Variants in GPR39 observed in about 807,000 individuals in gnomAD.
GPR39 encodes the protein G protein-coupled receptor 39, also known as zinc sensing receptor.
GPR39 carries 23 observed loss-of-function variants against 18.4 expected under a neutral mutation model. The ratio of observed to expected loss-of-function variants is 1.25; its 90% CI spans 0.90 to 1.77. The LOEUF (loss-of-function observed/expected upper bound fraction) is 1.77, where lower values mean the gene tolerates loss of function less well. GPR39 is among the 40% of genes most tolerant of loss of function. The pLI is 0.00. For missense variants in GPR39, 647 were observed against 602.4 expected (o/e 1.07, Z -0.78); for synonymous variants, 280 against 257.9 (o/e 1.09, Z -0.82).
At chr2:132,430,607 G>T (rs768947893) in intron 1 of GPR39, among the ~76,000 whole-genome samples, 2 of 152,120 alleles carry the variant, frequency 1.3e-5, no homozygotes, top group Non-Finnish European at 2.9e-5. Context: ...TCAGCTTCAG[G>T]CATCATCCCA....
intron 1 of GPR39, among the ~76,000 whole-genome samples, chr2:132,637,040 A>T (rs149622467): frequency 6.6e-6 from 1 of 152,358 alleles, no homozygotes; most frequent in East Asian, 1.9e-4. Context: ...GATTGAGAAT[A>T]GATTGCATAG....
intron 1 of GPR39, among the ~76,000 whole-genome samples, chr2:132,503,188 T>C (rs537455168): frequency 6.6e-6 from 1 of 152,316 alleles, no homozygotes; most frequent in South Asian, 2.1e-4. Context: ...TTCCTTCTTT[T>C]TTGGGTAGCC....
At chr2:132,472,991 C>T (rs190075292) in intron 1 of GPR39, among the ~76,000 whole-genome samples, 46 of 152,156 alleles carry the variant, frequency 3.0e-4, no homozygotes, top group Non-Finnish European at 4.9e-4. Flanking sequence ...CCCCCCTGCA[C>T]CACCAGATTT....
intron 1 of GPR39, among the ~76,000 whole-genome samples, chr2:132,539,690 T>TC (rs771976309): frequency 6.6e-6 from 1 of 152,144 alleles, no homozygotes; most frequent in Non-Finnish European, 1.5e-5. Flanking sequence ...TCCTCTCTGA[T>TC]CCATGGGAAC....
intron 1 of GPR39, among the ~76,000 whole-genome samples, chr2:132,577,841 T>C (rs1680555252): frequency 1.3e-5 from 2 of 152,214 alleles, no homozygotes; most frequent in Admixed American, 1.3e-4. Flanking sequence ...GTTTTACTTC[T>C]TCATTTTCAA....
intron 1 of GPR39, among the ~76,000 whole-genome samples, chr2:132,444,438 A>G (rs10928414): frequency 0.97 from 147,960 of 152,210 alleles, 72,052 homozygotes; most frequent in Non-Finnish European, 1. Flanking sequence ...ATGCAGGCAC[A>G]CGCCCATACC....
At chr2:132,632,224 C>T (rs997960161) in intron 1 of GPR39, among the ~76,000 whole-genome samples, 2 of 152,136 alleles carry the variant, frequency 1.3e-5, no homozygotes, top group Admixed American at 6.5e-5. Context: ...CAATCAAAAG[C>T]AGACATTCTG....
chr2:132,620,029 G>A (rs889945252), intron 1 of GPR39, among the ~76,000 whole-genome samples: 10 of 152,108 alleles, frequency 6.6e-5, no homozygotes, highest in African/African-American at 2.2e-4. Context: ...GTGTCAAAAT[G>A]CTCAACTCCT....
At chr2:132,640,103 T>G (rs969666574) in intron 1 of GPR39, among the ~76,000 whole-genome samples, 1 of 152,132 alleles carries the variant, frequency 6.6e-6, no homozygotes. Context: ...TCTCCTGATC[T>G]CTAATGACTC....
chr2:132,635,165 T>C (rs1050256164), intron 1 of GPR39, among the ~76,000 whole-genome samples: 1 of 152,228 alleles, frequency 6.6e-6, no homozygotes, highest in Non-Finnish European at 1.5e-5. Context: ...GGAGGGCTAA[T>C]ACTGACCTCT....
At chr2:132,458,454 G>A (rs1680773699) in intron 1 of GPR39, among the ~76,000 whole-genome samples, 2 of 98,354 alleles carry the variant, frequency 2.0e-5, no homozygotes, top group African/African-American at 7.5e-5. Flanking sequence ...CTCTCTCGGT[G>A]TGTTTGTGTG....
Position 132,417,557 on chromosome 2 carries a change from T to G in GPR39, c.515T>G (p.Phe172Cys), listed in dbSNP as rs780407157. 1 of 1,614,112 alleles carries G rather than the reference T, an allele frequency of 6.2e-7. No individual in the cohort carries two copies. Among genetic ancestry groups the G allele is most frequent in the South Asian group, 1.1e-5 (1 of 91,076 alleles). Reference protein sequence around the residue: ...TSALVALPLLFAMGTEYPLVN... With the variant: ...TSALVALPLLCAMGTEYPLVN... The stretch of plus-strand genomic sequence containing the variant: ...GCCCTGGTGGCACTGCCCTTGCTGT[T>G]TGCCATGGGTACTGAGTACCCCCTG... The change falls in exon 1 of 2, where the codon TTT becomes TGT. Residue 172 changes from phenylalanine (F) to cysteine (C), a missense_variant. Around this residue, in one of 3 missense-constraint regions of GPR39, gnomAD observed 581 missense variants for 506.8 expected, o/e 1.15. Transcript: ENST00000329321.
intron 1 of GPR39, among the ~76,000 whole-genome samples, chr2:132,538,673 T>G (rs1422875221): frequency 2.0e-5 from 3 of 152,010 alleles, no homozygotes; most frequent in African/African-American, 7.2e-5. Context: ...CACCCATCCC[T>G]CCCCCCGGGT....
intron 1 of GPR39, among the ~76,000 whole-genome samples, chr2:132,561,965 C>T (rs1174869926): frequency 6.6e-6 from 1 of 152,140 alleles, no homozygotes; most frequent in East Asian, 1.9e-4. Context: ...CCTACCTATT[C>T]AAATGTTAAT....
intron 1 of GPR39, among the ~76,000 whole-genome samples, chr2:132,447,462 A>C (rs1680556865): frequency 6.6e-6 from 1 of 152,166 alleles, no homozygotes; most frequent in African/African-American, 2.4e-5. Flanking sequence ...TTTTTGCTGA[A>C]GCTTGCTTCT....
At chr2:132,488,208 T>A (rs1681381969) in intron 1 of GPR39, among the ~76,000 whole-genome samples, 1 of 152,224 alleles carries the variant, frequency 6.6e-6, no homozygotes, top group African/African-American at 2.4e-5. Flanking sequence ...AATCAAGTTG[T>A]AAACTTTTTC....
At chr2:132,593,247 C>G (rs1680877658) in intron 1 of GPR39, among the ~76,000 whole-genome samples, 1 of 152,174 alleles carries the variant, frequency 6.6e-6, no homozygotes, top group Admixed American at 6.5e-5. Flanking sequence ...ACTACATAAG[C>G]CTGATTGATT....
intron 1 of GPR39, among the ~76,000 whole-genome samples, chr2:132,443,168 CATT>C (rs944811521): frequency 3.9e-5 from 6 of 152,026 alleles, no homozygotes; most frequent in African/African-American, 9.7e-5. Context: ...TTAGAATAAA[CATT>C]ATATTAAAAC....
chr2:132,481,780 G>C (rs1681240593), intron 1 of GPR39, among the ~76,000 whole-genome samples: 1 of 152,102 alleles, frequency 6.6e-6, no homozygotes, highest in African/African-American at 2.4e-5. Context: ...GATGATCTTG[G>C]AGGCAGTTCC....
Sources: gnomAD v4.1 joint callset for allele counts (sites outside exome capture counted in the v4.1 genomes callset) on GRCh38, gnomAD v4.1.1 for gene constraint, gnomAD v4.1.1 regional missense constraint, MANE v1.5 for transcripts, NCBI Gene and HGNC (gene_info 2026-07-23, HGNC 2026-07-21) for gene names.